GOLM2: variants seen among roughly 807,000 people sequenced by gnomAD.
GOLM2 encodes the protein protein GOLM2.
Under a neutral mutation model 55.9 loss-of-function variants are expected in GOLM2, and 26 were observed. That is an observed-to-expected ratio of 0.47 (90% CI 0.34 to 0.65). The LOEUF (loss-of-function observed/expected upper bound fraction) is 0.65. GOLM2 is among the 30% of genes least tolerant of loss of function. The pLI, the probability that GOLM2 is intolerant of heterozygous loss-of-function variation, is 0.01. For synonymous variants in GOLM2, 165 were observed against 194.6 expected (o/e 0.85, Z 1.27); for missense variants, 486 against 531.8 (o/e 0.91, Z 0.85).
At chr15:44,364,367 T>C (rs1248411656) in intron 6 of GOLM2, among the ~76,000 whole-genome samples, 1 of 131,854 alleles carries the variant, frequency 7.6e-6, no homozygotes. Context: ...CTACCCAAAA[T>C]ACAAAAAAAT....
At chr15:44,389,505 A>G (rs2079473235) in intron 8 of GOLM2, among the ~76,000 whole-genome samples, 1 of 152,170 alleles carries the variant, frequency 6.6e-6, no homozygotes, top group Non-Finnish European at 1.5e-5. Context: ...TCCAGCTTAG[A>G]CAACAGAGTG....
chr15:44,342,072 A>T (rs1302302335), intron 6 of GOLM2, among the ~76,000 whole-genome samples: 1 of 152,080 alleles, frequency 6.6e-6, no homozygotes, highest in African/African-American at 2.4e-5. Flanking sequence ...GATTTTTACA[A>T]TGTGAACTTG....
intron 1 of GOLM2, among the ~76,000 whole-genome samples, chr15:44,304,182 T>C (rs1231023307): frequency 2.6e-5 from 4 of 151,018 alleles, no homozygotes; most frequent in Non-Finnish European, 5.9e-5. Context: ...CCTATTCAAG[T>C]TTTATCATGA....
intron 3 of GOLM2, among the ~76,000 whole-genome samples, chr15:44,330,356 T>C (rs964969796): frequency 1.2e-4 from 17 of 147,392 alleles, no homozygotes; most frequent in African/African-American, 4.0e-4. Context: ...CTACTAAAAA[T>C]AGAAAAAATT....
chr15:44,327,397 C>T (rs1331132025), intron 2 of GOLM2, among the ~76,000 whole-genome samples: 6 of 151,826 alleles, frequency 4.0e-5, no homozygotes, highest in African/African-American at 9.7e-5. Flanking sequence ...TATAAATACA[C>T]GTATATATCT....
In GOLM2 at chr15:44,331,900, A is replaced by G. The variant is rs999688874; in HGVS notation, c.486-88A>G. ...CTCTCCCCTGCTAACTGAGTGTTTT[A>G]TCTTTCTTATGTATGTGTCAACTTC... On this transcript the variant is annotated intron_variant, in intron 3 of 9. Coordinates refer to ENST00000299957, the MANE Select transcript of GOLM2 (RefSeq NM_138423.4). 8.3e-5 allele frequency: 74 copies of G among 889,222 alleles called. No individual in the cohort carries two copies. In the East Asian group the frequency reaches 1.8e-3, roughly 22 times the overall value. The allele number at this position is 889,222 out of a possible 1,614,324, so 55.1% of individuals were successfully genotyped here.
chr15:44,367,332 T>G (rs1157005609), intron 6 of GOLM2, among the ~76,000 whole-genome samples: 5 of 152,206 alleles, frequency 3.3e-5, no homozygotes, highest in Admixed American at 6.5e-5. Flanking sequence ...TCATTTCCCT[T>G]CAGCCTGAAG....
intron 4 of GOLM2, among the ~76,000 whole-genome samples, chr15:44,332,285 G>A (rs150263058): frequency 1.3e-5 from 2 of 152,244 alleles, no homozygotes; most frequent in East Asian, 1.9e-4. Context: ...GGTCGGGCAC[G>A]GTGGTTCACG....
chr15:44,324,761 T>C (rs2078970666), intron 2 of GOLM2, among the ~76,000 whole-genome samples: 1 of 152,170 alleles, frequency 6.6e-6, no homozygotes, highest in Non-Finnish European at 1.5e-5. Context: ...TTTTCTTTTT[T>C]TTTTTAAAGC....
At chr15:44,392,531 G>A (rs2079498031) in intron 8 of GOLM2, among the ~76,000 whole-genome samples, 1 of 151,766 alleles carries the variant, frequency 6.6e-6, no homozygotes, top group African/African-American at 2.4e-5. Flanking sequence ...GCTGAGGCTG[G>A]AGAATCGCTT....
chr15:44,351,401 C>T (rs1017714659), intron 6 of GOLM2, among the ~76,000 whole-genome samples: 26 of 151,514 alleles, frequency 1.7e-4, no homozygotes, highest in African/African-American at 6.1e-4. Context: ...ATGGTGAAGC[C>T]CCGTCTCTAC....
intron 1 of GOLM2, among the ~76,000 whole-genome samples, chr15:44,299,356 G>A (rs973727173): frequency 8.6e-5 from 13 of 151,298 alleles, no homozygotes; most frequent in Non-Finnish European, 1.6e-4. Context: ...GCAGTGGCGC[G>A]ATCTCAGCTC....
intron 3 of GOLM2, among the ~76,000 whole-genome samples, chr15:44,331,282 G>A (rs2079020794): frequency 6.6e-6 from 1 of 152,166 alleles, no homozygotes; most frequent in Admixed American, 6.5e-5. Context: ...CTCCCAAAGT[G>A]CTGGGATTGC....
At chr15:44,306,334 T>A (rs2078836963) in intron 1 of GOLM2, among the ~76,000 whole-genome samples, 1 of 152,044 alleles carries the variant, frequency 6.6e-6, no homozygotes, top group Non-Finnish European at 1.5e-5. Flanking sequence ...TGAACCAACC[T>A]CTGCTGGCTT....
intron 1 of GOLM2, among the ~76,000 whole-genome samples, chr15:44,310,352 C>T (rs1290768110): frequency 6.6e-6 from 1 of 151,648 alleles, no homozygotes; most frequent in East Asian, 1.9e-4. Context: ...ACTAAAAAGA[C>T]TTGGAAAGGC....
chr15:44,310,198 T>A (rs962666320), intron 1 of GOLM2, among the ~76,000 whole-genome samples: 7 of 152,038 alleles, frequency 4.6e-5, no homozygotes, highest in African/African-American at 1.7e-4. Flanking sequence ...CCCCTTCTTT[T>A]AAGCACTATG....
chr15:44,375,530 A>G (rs1014197063), intron 6 of GOLM2, among the ~76,000 whole-genome samples: 4 of 152,150 alleles, frequency 2.6e-5, no homozygotes, highest in Admixed American at 1.3e-4. Context: ...TAATCCCAGC[A>G]CTTTGGGAGG....
intron 6 of GOLM2, among the ~76,000 whole-genome samples, chr15:44,346,948 A>C (rs545521842): frequency 1.3e-5 from 2 of 152,124 alleles, no homozygotes; most frequent in South Asian, 4.2e-4. Context: ...CAACATAACA[A>C]GACCTCATAT....
At chr15:44,359,096 G>C (rs183338928) in intron 6 of GOLM2, among the ~76,000 whole-genome samples, 1 of 151,956 alleles carries the variant, frequency 6.6e-6, no homozygotes, top group South Asian at 2.1e-4. Flanking sequence ...GTTGCAGTGA[G>C]CTGAGATCGC....
Sources: gnomAD v4.1 joint callset for allele counts (sites outside exome capture counted in the v4.1 genomes callset) on GRCh38, gnomAD v4.1.1 for gene constraint, MANE v1.5 for transcripts, NCBI Gene and HGNC (gene_info 2026-07-23, HGNC 2026-07-21) for gene names.